Variants in KLHL28 observed in about 807,000 individuals in gnomAD.
KLHL28 encodes the protein kelch-like protein 28.
KLHL28 carries 22 observed loss-of-function variants against 48.3 expected under a neutral mutation model. That is an observed-to-expected ratio of 0.46 (90% confidence interval 0.33 to 0.65). KLHL28 has a LOEUF of 0.65. KLHL28 is among the 30% of genes least tolerant of loss of function. The probability of loss-of-function intolerance (pLI) is 0.03; values close to 1 mark genes in which losing one functional copy is unlikely to be tolerated. For missense variants in KLHL28, 527 were observed against 704.3 expected, an observed-to-expected ratio of 0.75 and a Z score of 2.85; for synonymous variants, 243 against 242.4, an observed-to-expected ratio of 1.00 and a Z score of -0.02.
Position 44,926,454 on chromosome 14 carries a change from T to C in KLHL28, c.*2574A>G, listed in dbSNP as rs1042349996. ...CTAATTTGATAGTGGAGATGATACA[T>C]GAGTAAAATATTGTTAAAATACAAT... On this transcript the variant is annotated 3_prime_UTR_variant, in exon 5 of 5. Coordinates refer to ENST00000396128, the MANE Select transcript of KLHL28 (RefSeq NM_017658.5). 2 of 152,150 alleles carry C rather than the reference T, an allele frequency of 1.3e-5. No individual in the cohort carries two copies. Among genetic ancestry groups the C allele is most frequent in the Admixed American group, 6.5e-5 (1 of 15,280 alleles). 9.4% of individuals were successfully genotyped at this position (152,150 alleles called of 1,614,324 possible).
Position 44,951,389 on chromosome 14 carries a change from C to T in KLHL28, c.1-5461G>A, listed in dbSNP as rs186665778. On this transcript the variant is annotated intron_variant, in intron 1 of 4. Transcript: ENST00000396128. ...GTCCAAGTCTTTGCCTACATGGATA[C>T]ATGCAAGGTGACCAGAGTACCATGA... Among the ~76,000 whole-genome samples the T allele has an allele frequency of 1.3e-4, 20 of 152,342 alleles. No homozygotes were observed. The East Asian group carries it at 3.7e-3, about 28-fold the overall frequency.
intron 1 of KLHL28, among the ~76,000 whole-genome samples, chr14:44,958,854 C>A (rs1043107885): frequency 2.0e-5 from 3 of 152,004 alleles, no homozygotes; most frequent in African/African-American, 7.2e-5. Flanking sequence ...ATAGTTTTGA[C>A]TGAAGACAGA....
intron 4 of KLHL28, among the ~76,000 whole-genome samples, chr14:44,930,004 A>C (rs1883513424): frequency 6.6e-6 from 1 of 152,128 alleles, no homozygotes; most frequent in African/African-American, 2.4e-5. Flanking sequence ...GAAATATTTA[A>C]AATATATTAA....
At position 44,961,182 on chromosome 14, in the gene KLHL28, G is replaced by T. The variant is rs139626049; in HGVS notation, c.-1+664C>A. The T allele has an allele frequency of 7.6e-5, 24 of 314,458 alleles. No individual in the cohort carries two copies. The East Asian group carries it at 1.1e-3, about 15-fold the overall frequency. The allele number at this position is 314,458 out of a possible 1,614,324, so 19.5% of individuals were successfully genotyped here. A position where few individuals can be genotyped will look rare whatever the true frequency, so the allele number is the denominator to read the frequency against. ...AAATCCACAAGGCAGAATTCTCTTA[G>T]AACCATGATGCCAAGAACTTCCACC... On this transcript the variant is annotated intron_variant, in intron 1 of 4. Transcript: ENST00000396128.
chr14:44,935,094 T>G (rs572423521), intron 2 of KLHL28, among the ~76,000 whole-genome samples: 1 of 152,314 alleles, frequency 6.6e-6, no homozygotes, highest in African/African-American at 2.4e-5. Context: ...TTATCCACTA[T>G]AAAATGGATA....
At position 44,945,839 on chromosome 14, in the gene KLHL28, T is replaced by C. The variant is rs2138633280; in HGVS notation, c.90A>G (p.Gln30=). 3 of 1,614,168 alleles carry C rather than the reference T, an allele frequency of 1.9e-6. No homozygotes were observed. The highest frequency in any genetic ancestry group is 2.5e-6 in the Non-Finnish European group (3 of 1,180,020). The stretch of plus-strand genomic sequence containing the variant: ...GAATGATGTCACAGAGTTCGTGATG[T>C]TGGCGAAGAAGATTCAAGCCCTGCA... The part of the protein sequence containing the change: ...QLLQGLNLLR[Q]HHELCDIILR... Residue 30 remains glutamine (Q), a synonymous_variant, in exon 2 of 5, where the codon CAA becomes CAG. Coordinates refer to ENST00000396128, the MANE Select transcript of KLHL28 (RefSeq NM_017658.5).
In KLHL28 at chr14:44,924,604, C is replaced by A. The variant is rs1594559226; in HGVS notation, c.*4424G>T. On this transcript the variant is annotated 3_prime_UTR_variant, in exon 5 of 5. Transcript: ENST00000396128. ...TTGCAAGAGAGTACAAATATTAGTA[C>A]TCTACAGCTACAAAATTTCAGAATC... The A allele has an allele frequency of 1.3e-5, 2 of 152,614 alleles. 1 individual carries two copies. The highest frequency in any genetic ancestry group is 6.3e-3 in the Middle Eastern group (2 of 316). The allele number at this position is 152,614 out of a possible 1,614,324, so 9.5% of individuals were successfully genotyped here.
At chr14:44,944,932 A>T in intron 2 of KLHL28, 98 bp downstream of exon 2, 1 of 937,302 alleles carries the variant, frequency 1.1e-6, no homozygotes, top group East Asian at 2.5e-5. Context: ...AGAAAAGTAA[A>T]AAGGAAAATC....
chr14:44,958,357 A>T (rs1391528458), intron 1 of KLHL28, among the ~76,000 whole-genome samples: 2 of 151,970 alleles, frequency 1.3e-5, no homozygotes, highest in Non-Finnish European at 2.9e-5. Context: ...TCACACCCAG[A>T]GTAAATAAAT....
intron 1 of KLHL28, chr14:44,961,596 C>A (rs1445600948): frequency 1.3e-5 from 2 of 152,122 alleles, no homozygotes; most frequent in East Asian, 1.9e-4. Context: ...AAAAAAAATA[C>A]CCGATTTGTG....
chr14:44,929,783 C>T (rs1258632235), intron 4 of KLHL28, among the ~76,000 whole-genome samples: 1 of 152,166 alleles, frequency 6.6e-6, no homozygotes, highest in Non-Finnish European at 1.5e-5. Context: ...CACTGCACTC[C>T]TGCCTGGCTC....
rs1555337906 is a variant in KLHL28 at position 44,935,890 on chromosome 14, G to GTGTATATATATATA, written c.900-1333_900-1332insTATATATATATACA. Among the ~76,000 whole-genome samples the GTGTATATATATATA allele has an allele frequency of 3.4e-4, 20 of 59,142 alleles. 2 individuals are homozygous for GTGTATATATATATA. Among genetic ancestry groups the GTGTATATATATATA allele is most frequent in the African/African-American group, 7.7e-4 (19 of 24,796 alleles). 38.8% of individuals were successfully genotyped at this position (59,142 alleles called of 152,430 possible). A position where few individuals can be genotyped will look rare whatever the true frequency, so the allele number is the denominator to read the frequency against. On this transcript the variant is annotated intron_variant, in intron 2 of 4. Transcript: ENST00000396128. ...TATGTGTATGTATATATATATGTGTGTATATATATATATCTTTACCCTCCC... is the reference window on the plus strand; with the variant it reads ...TATGTGTATGTATATATATATGTGTGTGTATATATATATATATATATATATATCTTTACCCTCCC...
In KLHL28 at chr14:44,928,033, T is replaced by C. The variant is rs1249522002; in HGVS notation, c.*995A>G. On this transcript the variant is annotated 3_prime_UTR_variant, in exon 5 of 5. Coordinates refer to ENST00000396128, the MANE Select transcript of KLHL28 (RefSeq NM_017658.5). ...AAATGCAAAAGACTATCAAAACATG[T>C]CATGCATATCTCATACTGAACATCC... 3 of 152,604 alleles carry C rather than the reference T, an allele frequency of 2.0e-5. No homozygotes were observed. Among genetic ancestry groups the C allele is most frequent in the Non-Finnish European group, 4.4e-5 (3 of 68,028 alleles). The allele number at this position is 152,604 out of a possible 1,614,324, so 9.5% of individuals were successfully genotyped here. A position where few individuals can be genotyped will look rare whatever the true frequency, so the allele number is the denominator to read the frequency against.
intron 3 of KLHL28, 78 bp downstream of exon 3, chr14:44,934,037 T>A (rs1221105581): frequency 4.6e-5 from 55 of 1,195,296 alleles, no homozygotes; most frequent in Non-Finnish European, 5.7e-5. Flanking sequence ...ACACAAATTG[T>A]TTAAAACTCA....
At chr14:44,931,233 G>A in intron 4 of KLHL28, 100 bp downstream of exon 4, 2 of 522,658 alleles carry the variant, frequency 3.8e-6, no homozygotes, top group South Asian at 3.8e-5. Flanking sequence ...TTCTGGACAA[G>A]TAATATTCCT....
chr14:44,929,786 C>T (rs997611454), intron 4 of KLHL28, among the ~76,000 whole-genome samples: 2 of 152,154 alleles, frequency 1.3e-5, no homozygotes, highest in Admixed American at 6.5e-5. Flanking sequence ...TGCACTCCTG[C>T]CTGGCTCGAC....
At chr14:44,955,459 G>A (rs1884754051) in intron 1 of KLHL28, among the ~76,000 whole-genome samples, 5 of 152,072 alleles carry the variant, frequency 3.3e-5, no homozygotes, top group Admixed American at 1.3e-4. Flanking sequence ...GCAGATAGCT[G>A]ATACCATGTC....
chr14:44,942,638 T>C (rs28695721), intron 2 of KLHL28, among the ~76,000 whole-genome samples: 22,893 of 152,060 alleles, frequency 0.15, 3,147 homozygotes, highest in African/African-American at 0.37. Flanking sequence ...GAATACCAAT[T>C]AGCTTTTAGT....
chr14:44,945,109 A>G lies in KLHL28; in HGVS notation c.820T>C (p.Leu274=). The G allele has an allele frequency of 1.9e-6, 3 of 1,614,106 alleles. No homozygotes were observed. Among genetic ancestry groups the G allele is most frequent in the Non-Finnish European group, 2.5e-6 (3 of 1,179,948 alleles). Residue 274 remains leucine (L), a synonymous_variant, in exon 2 of 5, where the codon TTG becomes CTG. Coordinates refer to ENST00000396128, the MANE Select transcript of KLHL28 (RefSeq NM_017658.5). Reference sequence around the variant, plus strand: ...GGAGCACAGCGAGGTCGTGTCATCAAGACTGTCTGATGAGAGAGTCTATGT... The same window carrying G: ...GGAGCACAGCGAGGTCGTGTCATCAGGACTGTCTGATGAGAGAGTCTATGT... ...PEHRLSHQTV[L]MTRPRCAPKV...
Sources: gnomAD v4.1 joint callset for allele counts (sites outside exome capture counted in the v4.1 genomes callset) on GRCh38, gnomAD v4.1.1 for gene constraint, MANE v1.5 for transcripts, NCBI Gene and HGNC (gene_info 2026-07-23, HGNC 2026-07-21) for gene names.